KCNMA1: variants seen among roughly 807,000 people sequenced by gnomAD.
KCNMA1 encodes the protein potassium calcium-activated channel subfamily M alpha 1.
A neutral mutation model predicts 140.0 loss-of-function variants in KCNMA1; 29 were observed. The ratio of observed to expected loss-of-function variants is 0.21; its 90% CI spans 0.15 to 0.28. The LOEUF (loss-of-function observed/expected upper bound fraction) is 0.28. KCNMA1 is among the 10% of genes least tolerant of loss of function. KCNMA1 has a pLI of 1.00. For synonymous variants in KCNMA1, 612 were observed against 611.9 expected (o/e 1.00, Z 0.00); for missense variants, 880 against 1,602.2 (o/e 0.55, Z 7.70).
chr10:77,488,012 A>C (rs2098481229), intron 1 of KCNMA1, among the ~76,000 whole-genome samples: 1 of 152,204 alleles, frequency 6.6e-6, no homozygotes, highest in Admixed American at 6.5e-5. Flanking sequence ...AATATGGGTT[A>C]ACTGTCCTCA....
Position 76,886,903 on chromosome 10 carries a change from A to G in KCNMA1, c.*363T>C. On this transcript the variant is annotated 3_prime_UTR_variant, in exon 28 of 28. Coordinates refer to ENST00000286628, the MANE Select transcript of KCNMA1 (RefSeq NM_001161352.2). ...TGATAATCCTGATAAATCAGAATCA[A>G]CTTTTCTTTTACATTAAATAAACTT... is the stretch of plus-strand genomic sequence containing the variant. 1 of 1,132,680 alleles carries G rather than the reference A, an allele frequency of 8.8e-7. No homozygotes were observed. Among genetic ancestry groups the G allele is most frequent in the East Asian group, 6.3e-5 (1 of 15,762 alleles). 70.2% of individuals were successfully genotyped at this position (1,132,680 alleles called of 1,614,324 possible).
intron 1 of KCNMA1, among the ~76,000 whole-genome samples, chr10:77,604,846 C>T (rs1021238906): frequency 3.9e-5 from 6 of 152,192 alleles, no homozygotes; most frequent in Admixed American, 2.0e-4. Context: ...GTCTCAGGCT[C>T]ACCTGGAAAT....
At chr10:77,630,300 G>A (rs2093029433) in intron 1 of KCNMA1, among the ~76,000 whole-genome samples, 1 of 152,152 alleles carries the variant, frequency 6.6e-6, no homozygotes, top group African/African-American at 2.4e-5. Context: ...GTTTGGCTGG[G>A]TTGCCCTCCT....
intron 2 of KCNMA1, among the ~76,000 whole-genome samples, chr10:77,326,803 T>C (rs956598236): frequency 7.9e-5 from 12 of 152,236 alleles, no homozygotes; most frequent in South Asian, 6.2e-4. Context: ...TTTTCCACTT[T>C]GGGCCTCAGC....
intron 2 of KCNMA1, among the ~76,000 whole-genome samples, chr10:77,292,291 C>A (rs1190111573): frequency 5.3e-5 from 8 of 152,220 alleles, no homozygotes. Flanking sequence ...TGAAAGCTGA[C>A]TCCTTTGGAG....
At chr10:77,586,534 T>C (rs2077333319) in intron 1 of KCNMA1, 1 of 152,200 alleles carries the variant, frequency 6.6e-6, no homozygotes, top group African/African-American at 2.4e-5. Flanking sequence ...AGACAGTAAA[T>C]GTCACTGTTT....
intron 2 of KCNMA1, among the ~76,000 whole-genome samples, chr10:77,390,996 A>G (rs1268767013): frequency 6.6e-6 from 1 of 152,210 alleles, no homozygotes; most frequent in African/African-American, 2.4e-5. Context: ...CAAAAGCCAC[A>G]AAACATGTGG....
chr10:77,291,760 T>C (rs550169442), intron 2 of KCNMA1, among the ~76,000 whole-genome samples: 2 of 152,234 alleles, frequency 1.3e-5, no homozygotes, highest in Non-Finnish European at 2.9e-5. Flanking sequence ...CATTTTCAAG[T>C]GCCTCATATG....
intron 19 of KCNMA1, among the ~76,000 whole-genome samples, chr10:76,972,010 C>T (rs1267536127): frequency 2.0e-5 from 3 of 151,166 alleles, no homozygotes; most frequent in African/African-American, 4.9e-5. Context: ...GGTATGCTTT[C>T]GCACTTTCCC....
rs569115924 is a variant in KCNMA1, at chr10:76,957,127, C to CAAA, written c.2361-3206_2361-3204dup. Among the ~76,000 whole-genome samples the CAAA allele has an allele frequency of 3.4e-3, 242 of 71,230 alleles. 7 individuals are homozygous for CAAA. Among genetic ancestry groups the CAAA allele is most frequent in the Middle Eastern group, 0.022 (2 of 90 alleles). 46.7% of individuals were successfully genotyped at this position (71,230 alleles called of 152,430 possible). ...TGGGCAACAGAGCGAGACTCTGTCT[C>CAAA]AAAAAAAAAAAAAAAAAAAAAAAAA... On this transcript the variant is annotated intron_variant, in intron 20 of 27. Coordinates refer to ENST00000286628, the MANE Select transcript of KCNMA1 (RefSeq NM_001161352.2).
intron 1 of KCNMA1, among the ~76,000 whole-genome samples, chr10:77,550,495 T>C (rs2062539784): frequency 6.6e-6 from 1 of 152,126 alleles, no homozygotes; most frequent in Admixed American, 6.5e-5. Context: ...AACTTACTGT[T>C]GTGCCATCTA....
intron 3 of KCNMA1, among the ~76,000 whole-genome samples, chr10:77,212,337 TA>T (rs1443075901): frequency 2.0e-5 from 3 of 152,076 alleles, no homozygotes; most frequent in African/African-American, 7.2e-5. Context: ...CTAAGCAAAT[TA>T]ACACAAAAAC....
chr10:77,051,456 T>G (rs1482870576), intron 14 of KCNMA1, among the ~76,000 whole-genome samples: 2 of 152,196 alleles, frequency 1.3e-5, no homozygotes, highest in Non-Finnish European at 2.9e-5. Flanking sequence ...GTGTATTCAT[T>G]GTTATCTGGA....
chr10:77,370,199 G>A (rs1442891536), intron 2 of KCNMA1, among the ~76,000 whole-genome samples: 1 of 152,120 alleles, frequency 6.6e-6, no homozygotes, highest in Non-Finnish European at 1.5e-5. Flanking sequence ...ACCCCAGCAG[G>A]CTAAAAATAG....
intron 1 of KCNMA1, among the ~76,000 whole-genome samples, chr10:77,441,867 A>G (rs1244450117): frequency 6.6e-6 from 1 of 152,022 alleles, no homozygotes; most frequent in Non-Finnish European, 1.5e-5. Context: ...TGGTCTTGCA[A>G]ACAAAGAGAG....
chr10:77,392,471 T>C (rs747615375), intron 2 of KCNMA1, among the ~76,000 whole-genome samples: 1 of 152,192 alleles, frequency 6.6e-6, no homozygotes, highest in African/African-American at 2.4e-5. Context: ...TTCTGACTTA[T>C]CACTAAACCC....
At chr10:77,403,167 T>C (rs1294721086) in intron 2 of KCNMA1, among the ~76,000 whole-genome samples, 2 of 152,256 alleles carry the variant, frequency 1.3e-5, no homozygotes, top group Non-Finnish European at 2.9e-5. Flanking sequence ...GGCCAGCCAG[T>C]GAAGCCAAGC....
intron 2 of KCNMA1, among the ~76,000 whole-genome samples, chr10:77,317,986 G>A (rs2081322536): frequency 6.6e-6 from 1 of 152,188 alleles, no homozygotes; most frequent in African/African-American, 2.4e-5. Flanking sequence ...CCCCAAGTGA[G>A]GCAGTAGTGA....
At chr10:77,486,289 G>A (rs1489380610) in intron 1 of KCNMA1, among the ~76,000 whole-genome samples, 1 of 152,090 alleles carries the variant, frequency 6.6e-6, no homozygotes, top group African/African-American at 2.4e-5. Flanking sequence ...AAGTAGAGCA[G>A]GACCGCAGAG....
Sources: gnomAD v4.1 joint callset for allele counts (sites outside exome capture counted in the v4.1 genomes callset) on GRCh38, gnomAD v4.1.1 for gene constraint, MANE v1.5 for transcripts, NCBI Gene and HGNC (gene_info 2026-07-23, HGNC 2026-07-21) for gene names.